Variants in WASF3 observed in about 807,000 individuals in gnomAD.
WASF3 encodes the protein actin-binding protein WASF3.
WASF3 carries 11 observed loss-of-function variants against 46.6 expected under a neutral mutation model. That is an observed-to-expected ratio of 0.24 (90% confidence interval 0.15 to 0.39). The LOEUF is 0.39. WASF3 is among the 10% of genes least tolerant of loss of function. WASF3 has a pLI of 1.00. For synonymous variants in WASF3, 242 were observed against 259.7 expected, an observed-to-expected ratio of 0.93 and a Z score of 0.65; for missense variants, 576 against 669.8, an observed-to-expected ratio of 0.86 and a Z score of 1.55.
chr13:26,571,031 A>G (rs1481065264), intron 1 of WASF3, among the ~76,000 whole-genome samples: 1 of 152,004 alleles, frequency 6.6e-6, no homozygotes, highest in Non-Finnish European at 1.5e-5. Context: ...AATTATATTT[A>G]TTTTCTTTAT....
chr13:26,602,754 G>A (rs1880678810), intron 1 of WASF3, among the ~76,000 whole-genome samples: 1 of 152,050 alleles, frequency 6.6e-6, no homozygotes, highest in Admixed American at 6.6e-5. Context: ...TGATTTTGGA[G>A]TATTTAAAAA....
chr13:26,605,633 A>T (rs1880771104), intron 1 of WASF3, among the ~76,000 whole-genome samples: 1 of 152,220 alleles, frequency 6.6e-6, no homozygotes, highest in Non-Finnish European at 1.5e-5. Flanking sequence ...GGAATTAGGG[A>T]TCAAAGTATT....
At chr13:26,658,352 T>C (rs1345726567) in intron 3 of WASF3, among the ~76,000 whole-genome samples, 1 of 152,222 alleles carries the variant, frequency 6.6e-6, no homozygotes, top group Non-Finnish European at 1.5e-5. Context: ...GACTTGAATA[T>C]GAAGCATTTG....
At position 26,678,870 on chromosome 13, in the gene WASF3, G is replaced by A. The variant is rs566453574; in HGVS notation, c.716+2146G>A. Among the ~76,000 whole-genome samples, 21 of 152,262 alleles carry A rather than the reference G, an allele frequency of 1.4e-4. No individual in the cohort carries two copies. The South Asian group carries it at 3.5e-3, about 26-fold the overall frequency. ...CCCGCCTGTCTACCCAAAAAACCCT[G>A]GGGGATATATCGACCTCTCACACTG... On this transcript the variant is annotated intron_variant, in intron 7 of 9. Transcript: ENST00000335327.
At position 26,686,078 on chromosome 13, in the gene WASF3, A is replaced by C. The variant is rs1367002825; in HGVS notation, c.*233A>C. On this transcript the variant is annotated 3_prime_UTR_variant, in exon 10 of 10. Coordinates refer to ENST00000335327, the MANE Select transcript of WASF3 (RefSeq NM_006646.6). ...CATGAGGAAATAGGCTGTCACTATC[A>C]CATTGTCCTGAAAACAGCATCTGCT... 3.9e-6 allele frequency: 2 copies of C among 511,144 alleles called. No individual in the cohort carries two copies. The highest frequency in any genetic ancestry group is 6.8e-6 in the Non-Finnish European group (2 of 292,256). The allele number at this position is 511,144 out of a possible 1,614,324, so 31.7% of individuals were successfully genotyped here.
At chr13:26,627,012 C>G (rs189213266) in intron 2 of WASF3, among the ~76,000 whole-genome samples, 26 of 152,088 alleles carry the variant, frequency 1.7e-4, no homozygotes, top group African/African-American at 6.0e-4. Context: ...AGAGTATAAC[C>G]AAGAAAGTAG....
chr13:26,621,098 C>T (rs185310514), intron 2 of WASF3, among the ~76,000 whole-genome samples: 23 of 152,186 alleles, frequency 1.5e-4, no homozygotes, highest in African/African-American at 3.6e-4. Context: ...TCTGTGATGC[C>T]GTGTCATCTC....
chr13:26,680,307 C>T, intron 7 of WASF3: 1 of 1,315,194 alleles, frequency 7.6e-7, no homozygotes, highest in East Asian at 2.6e-5. Context: ...GTAACCTGAG[C>T]CAGGAGCGTG....
chr13:26,557,582 T>A (rs1371433359), upstream of WASF3: 2 of 156,132 alleles, frequency 1.3e-5, no homozygotes, highest in East Asian at 3.7e-4. Context: ...CCAATCCTGG[T>A]GAAGCGGCCC....
intron 1 of WASF3, among the ~76,000 whole-genome samples, chr13:26,583,098 G>A (rs1880032253): frequency 6.6e-6 from 1 of 152,192 alleles, no homozygotes; most frequent in Non-Finnish European, 1.5e-5. Flanking sequence ...TGGTAAAGCA[G>A]TTTGGACAGT....
At chr13:26,664,863 A>C (rs1593178245) in intron 3 of WASF3, among the ~76,000 whole-genome samples, 165 bp from the exon 4 acceptor site, 1 of 152,356 alleles carries the variant, frequency 6.6e-6, no homozygotes, top group East Asian at 1.9e-4. Flanking sequence ...GAGTATCTCT[A>C]ATAAACTTCA....
intron 2 of WASF3, chr13:26,622,833 C>T (rs558115101): frequency 3.3e-5 from 5 of 152,080 alleles, no homozygotes; most frequent in Admixed American, 2.6e-4. Context: ...GTTATCAGCT[C>T]AATGTCTTAA....
chr13:26,676,544 A>T lies in WASF3; in HGVS notation c.541-5A>T, dbSNP rs202051909. The T allele has an allele frequency of 6.2e-7, 1 of 1,612,778 alleles. No homozygotes were observed. The highest frequency in any genetic ancestry group is 1.3e-5 in the African/African-American group (1 of 74,964). On this transcript the variant is annotated splice_region_variant and splice_polypyrimidine_tract_variant and intron_variant, in intron 6 of 9. Coordinates refer to ENST00000335327, the MANE Select transcript of WASF3 (RefSeq NM_006646.6). Reference sequence around the variant, plus strand: ...GCATGCTCTCTTTCCTTTCCTGGACATCAGGAGCAAAAGCGTATAGATGGC... The same window carrying T: ...GCATGCTCTCTTTCCTTTCCTGGACTTCAGGAGCAAAAGCGTATAGATGGC...
At position 26,661,727 on chromosome 13, in the gene WASF3, C is replaced by T. The variant is rs554575347; in HGVS notation, c.134-3301C>T. On this transcript the variant is annotated intron_variant, in intron 3 of 9. Transcript: ENST00000335327. ...TACCATTGTACATTCTCACCAACAG[C>T]GCACAGGGTTCCAATTTCTCCACAT... is the stretch of plus-strand genomic sequence containing the variant. Among the ~76,000 whole-genome samples, 69 of 152,314 alleles carry T rather than the reference C, an allele frequency of 4.5e-4. No homozygotes were observed. In the South Asian group the frequency reaches 0.011, roughly 23 times the overall value.
intron 1 of WASF3, among the ~76,000 whole-genome samples, chr13:26,611,114 C>A (rs1880965312): frequency 6.9e-6 from 1 of 144,042 alleles, no homozygotes; most frequent in Non-Finnish European, 1.5e-5. Context: ...TCGTGATCTG[C>A]CTGCTTTAGC....
chr13:26,597,616 C>T (rs558959680), intron 1 of WASF3, among the ~76,000 whole-genome samples: 8 of 152,140 alleles, frequency 5.3e-5, no homozygotes, highest in Non-Finnish European at 1.2e-4. Context: ...TGCTATCCCT[C>T]TGCCTTCCCC....
chr13:26,550,160 C>G, the WASF3 span, among the ~76,000 whole-genome samples: 1 of 152,120 alleles, frequency 6.6e-6, no homozygotes, highest in African/African-American at 2.4e-5. Flanking sequence ...AGGTCCCAGA[C>G]AAGGATGAAC....
At chr13:26,665,256 G>A in intron 4 of WASF3, 94 bp downstream of exon 4, 3 of 1,422,344 alleles carry the variant, frequency 2.1e-6, no homozygotes, top group South Asian at 1.3e-5. Context: ...CCTTGGGATG[G>A]CATGCTGATA....
In WASF3 at chr13:26,671,951, G is replaced by C. The variant is rs754697876; in HGVS notation, c.502G>C (p.Asp168His). 6.2e-7 allele frequency: 1 copy of C among 1,611,420 alleles called. No individual in the cohort carries two copies. The highest frequency in any genetic ancestry group is 8.5e-7 in the Non-Finnish European group (1 of 1,179,258). Residue 168 changes from aspartate to histidine, a missense_variant, in exon 6 of 10, where the codon GAC becomes CAC. Asp to His is a moderately conservative substitution (Grantham distance 81). Transcript: ENST00000335327. ...FDLWKEKMLQ[D>H]TEDKRKEKRR... ...CCTCTGGAAAGAAAAAATGCTACAG[G>C]ACACAGAAGACAAAAGGAAAGAGAA... is the stretch of plus-strand genomic sequence containing the variant.
Sources: allele counts gnomAD v4.1 joint callset (sites outside exome capture counted in the v4.1 genomes callset), GRCh38; gene constraint gnomAD v4.1.1; transcripts MANE v1.5; gene names NCBI Gene and HGNC (gene_info 2026-07-23, HGNC 2026-07-21).